The following CNTNAP2 variants were observed in gnomAD, a reference collection of about 807,000 sequenced individuals.
The protein encoded by CNTNAP2 is contactin associated protein 2, also known as contactin-associated protein-like 2.
CNTNAP2 carries 98 observed loss-of-function variants against 155.2 expected under a neutral mutation model. The observed-to-expected ratio is 0.63, with a 90% confidence interval of 0.54 to 0.75. CNTNAP2 has a LOEUF of 0.75. Ranked by LOEUF, CNTNAP2 falls within the 30% of genes least tolerant of loss-of-function variation. CNTNAP2 has a pLI of 0.00. For synonymous variants in CNTNAP2, 651 were observed against 631.2 expected (o/e 1.03, Z -0.47); for missense variants, 1,727 against 1,688.1 (o/e 1.02, Z -0.40).
intron 15 of CNTNAP2, among the ~76,000 whole-genome samples, chr7:148,110,534 C>T (rs1804325066): frequency 6.6e-6 from 1 of 152,096 alleles, no homozygotes; most frequent in African/African-American, 2.4e-5. Context: ...TTACCTCCTT[C>T]TCTTCATTCT....
intron 1 of CNTNAP2, among the ~76,000 whole-genome samples, chr7:146,402,142 G>A (rs1372971178): frequency 2.6e-5 from 4 of 152,062 alleles, no homozygotes; most frequent in African/African-American, 4.8e-5. Context: ...TTGCGCAACT[G>A]TACCACTTAT....
intron 1 of CNTNAP2, among the ~76,000 whole-genome samples, chr7:146,617,248 C>T (rs1486598546): frequency 1.3e-5 from 2 of 152,138 alleles, no homozygotes; most frequent in Non-Finnish European, 2.9e-5. Flanking sequence ...GTTTCTTTGT[C>T]TATAACATGA....
chr7:148,230,384 G>T (rs529280210), intron 20 of CNTNAP2, among the ~76,000 whole-genome samples: 1 of 152,188 alleles, frequency 6.6e-6, no homozygotes, highest in Non-Finnish European at 1.5e-5. Context: ...GAAGAAACCA[G>T]CTTGGGAAAC....
At chr7:148,007,253 T>G (rs146074886) in intron 15 of CNTNAP2, among the ~76,000 whole-genome samples, 10 of 150,616 alleles carry the variant, frequency 6.6e-5, no homozygotes, top group Non-Finnish European at 1.3e-4. Flanking sequence ...ATTCAGAAAA[T>G]GTAGGACTTC....
intron 1 of CNTNAP2, among the ~76,000 whole-genome samples, chr7:146,671,793 T>G (rs1800311881): frequency 6.6e-6 from 1 of 152,042 alleles, no homozygotes; most frequent in Admixed American, 6.6e-5. Flanking sequence ...TCTCTTTCTT[T>G]TCTTTTCTTT....
chr7:146,376,244 T>C (rs1044222726), intron 1 of CNTNAP2, among the ~76,000 whole-genome samples: 6 of 152,122 alleles, frequency 3.9e-5, no homozygotes, highest in African/African-American at 1.4e-4. Flanking sequence ...GGGAAAAAAA[T>C]TGTAGCTTCT....
At chr7:147,935,990 T>C (rs1013458828) in intron 14 of CNTNAP2, among the ~76,000 whole-genome samples, 1 of 149,620 alleles carries the variant, frequency 6.7e-6, no homozygotes, top group Non-Finnish European at 1.5e-5. Context: ...AACTCTCATG[T>C]TTAACTTGAA....
At chr7:147,789,921 T>C (rs1468157418) in intron 13 of CNTNAP2, among the ~76,000 whole-genome samples, 3 of 152,212 alleles carry the variant, frequency 2.0e-5, no homozygotes, top group African/African-American at 4.8e-5. Context: ...TTTTGAAGTC[T>C]GGGACTGGGA....
intron 13 of CNTNAP2, among the ~76,000 whole-genome samples, chr7:147,762,608 A>C: frequency 6.6e-6 from 1 of 151,490 alleles, no homozygotes. Context: ...AACTGGAATT[A>C]ACTGTTAATT....
chr7:148,359,649 C>G (rs1353479962), intron 21 of CNTNAP2, among the ~76,000 whole-genome samples: 1 of 152,212 alleles, frequency 6.6e-6, no homozygotes, highest in Non-Finnish European at 1.5e-5. Flanking sequence ...AGAAAACATA[C>G]TCAGTAGGAC....
intron 2 of CNTNAP2, among the ~76,000 whole-genome samples, chr7:146,784,851 G>C (rs1444798197): frequency 6.6e-6 from 1 of 152,102 alleles, no homozygotes; most frequent in African/African-American, 2.4e-5. Flanking sequence ...AGAATGGTCA[G>C]GATATCTAGG....
intron 3 of CNTNAP2, among the ~76,000 whole-genome samples, chr7:146,868,933 T>C (rs1353023796): frequency 1.3e-5 from 2 of 152,216 alleles, no homozygotes; most frequent in African/African-American, 4.8e-5. Context: ...TATGTGCTTT[T>C]CTAGATATAG....
intron 1 of CNTNAP2, among the ~76,000 whole-genome samples, chr7:146,560,342 A>G (rs1474135168): frequency 3.3e-5 from 5 of 151,882 alleles, no homozygotes; most frequent in Admixed American, 2.0e-4. Context: ...ATTTATTATG[A>G]TGGTGTATAT....
At chr7:147,397,858 C>T (rs923855007) in intron 10 of CNTNAP2, among the ~76,000 whole-genome samples, 10 of 151,244 alleles carry the variant, frequency 6.6e-5, no homozygotes, top group African/African-American at 2.4e-4. Context: ...TCACACCTTT[C>T]TTATTCTTTA....
chr7:147,783,894 G>A (rs1195983576), intron 13 of CNTNAP2, among the ~76,000 whole-genome samples: 2 of 152,154 alleles, frequency 1.3e-5, no homozygotes, highest in Non-Finnish European at 2.9e-5. Context: ...AAAACTGTAA[G>A]AAATAAATTT....
chr7:148,279,429 G>A (rs762381473), intron 21 of CNTNAP2, among the ~76,000 whole-genome samples: 6 of 152,188 alleles, frequency 3.9e-5, no homozygotes, highest in Non-Finnish European at 8.8e-5. Flanking sequence ...GTCAAAGAGC[G>A]TTTCCCAAGG....
chr7:146,881,153 A>G (rs1357150603), intron 3 of CNTNAP2, among the ~76,000 whole-genome samples: 1 of 152,126 alleles, frequency 6.6e-6, no homozygotes, highest in Non-Finnish European at 1.5e-5. Flanking sequence ...ACCCTATCAC[A>G]TGGAACAATT....
At chr7:146,383,648 A>G (rs1200255763) in intron 1 of CNTNAP2, among the ~76,000 whole-genome samples, 1 of 152,132 alleles carries the variant, frequency 6.6e-6, no homozygotes, top group Non-Finnish European at 1.5e-5. Flanking sequence ...CCCACTGCTA[A>G]TTGGTAGGAA....
chr7:147,195,221 AGAT>A (rs1802763900), intron 8 of CNTNAP2, among the ~76,000 whole-genome samples: 1 of 152,168 alleles, frequency 6.6e-6, no homozygotes, highest in South Asian at 2.1e-4. Context: ...GTCAAAGATC[AGAT>A]GATTGTACAT....
Sources: gnomAD v4.1 joint callset for allele counts (sites outside exome capture counted in the v4.1 genomes callset) on GRCh38, gnomAD v4.1.1 for gene constraint, MANE v1.5 for transcripts, NCBI Gene and HGNC (gene_info 2026-07-23, HGNC 2026-07-21) for gene names.